SH3RF2: variants seen among roughly 807,000 people sequenced by gnomAD.
SH3RF2 encodes SH3 domain containing ring finger 2.
SH3RF2 carries 43 observed loss-of-function variants against 59.0 expected under a neutral mutation model. The observed-to-expected ratio is 0.73, with a 90% confidence interval of 0.57 to 0.94. The LOEUF (loss-of-function observed/expected upper bound fraction) is 0.94, where lower values mean the gene tolerates loss of function less well. Among genes scored for constraint, SH3RF2 ranks in the 40% least tolerant of loss-of-function variants. SH3RF2 has a pLI of 0.00. For missense variants in SH3RF2, 930 were observed against 940.1 expected (o/e 0.99, Z 0.14); for synonymous variants, 391 against 391.5 (o/e 1.00, Z 0.01).
chr5:146,052,917 T>C (rs1343081116), intron 7 of SH3RF2, among the ~76,000 whole-genome samples: 2 of 152,186 alleles, frequency 1.3e-5, no homozygotes, highest in African/African-American at 4.8e-5. Flanking sequence ...TCTCTGTGTT[T>C]GGGTCCTTTT....
chr5:145,939,614 C>T (rs190453617), intron 2 of SH3RF2, among the ~76,000 whole-genome samples: 46 of 152,266 alleles, frequency 3.0e-4, no homozygotes, highest in Non-Finnish European at 2.2e-4. Context: ...TTGTAAGTGA[C>T]ACATTCCAGA....
intron 2 of SH3RF2, among the ~76,000 whole-genome samples, chr5:145,960,218 G>T (rs1270113402): frequency 2.6e-5 from 4 of 152,126 alleles, no homozygotes; most frequent in African/African-American, 9.7e-5. Context: ...ATGCCCAGCT[G>T]TTCAACTTCT....
At chr5:145,977,378 T>G (rs1759335640) in intron 2 of SH3RF2, among the ~76,000 whole-genome samples, 1 of 152,174 alleles carries the variant, frequency 6.6e-6, no homozygotes, top group Non-Finnish European at 1.5e-5. Flanking sequence ...TCACATACAG[T>G]AATAAAAGCT....
intron 2 of SH3RF2, among the ~76,000 whole-genome samples, chr5:145,981,735 G>A (rs1759513734): frequency 6.6e-6 from 1 of 152,160 alleles, no homozygotes; most frequent in African/African-American, 2.4e-5. Flanking sequence ...ATAATTAAAA[G>A]TAAATAGAAT....
At chr5:146,050,435 T>A (rs559689029) in intron 7 of SH3RF2, among the ~76,000 whole-genome samples, 5 of 152,262 alleles carry the variant, frequency 3.3e-5, no homozygotes, top group Admixed American at 2.6e-4. Context: ...TCGGCCTGAG[T>A]CCTCATAGAT....
At chr5:146,069,918 A>G (rs1763195680) in intron 9 of SH3RF2, among the ~76,000 whole-genome samples, 1 of 151,546 alleles carries the variant, frequency 6.6e-6, no homozygotes, top group Non-Finnish European at 1.5e-5. Context: ...CAGAAAACTG[A>G]GACTCAGAAT....
chr5:146,015,083 G>T (rs941330639), intron 5 of SH3RF2, among the ~76,000 whole-genome samples: 1 of 152,108 alleles, frequency 6.6e-6, no homozygotes, highest in Non-Finnish European at 1.5e-5. Flanking sequence ...TGTAAATTTT[G>T]TTTTTAAACA....
At chr5:145,963,866 T>C (rs1419033109) in intron 2 of SH3RF2, among the ~76,000 whole-genome samples, 1 of 151,016 alleles carries the variant, frequency 6.6e-6, no homozygotes, top group Non-Finnish European at 1.5e-5. Flanking sequence ...GGAGTCTCGC[T>C]CTGTCGCCCA....
intron 5 of SH3RF2, among the ~76,000 whole-genome samples, chr5:146,028,944 G>A (rs551432593): frequency 2.4e-3 from 371 of 152,302 alleles, no homozygotes; most frequent in African/African-American, 8.6e-3. Flanking sequence ...GGACCTGTGC[G>A]TTGAGTGGAT....
At chr5:146,058,126 G>T (rs1399509749) in intron 8 of SH3RF2, among the ~76,000 whole-genome samples, 3 of 152,002 alleles carry the variant, frequency 2.0e-5, no homozygotes, top group Non-Finnish European at 4.4e-5. Context: ...ACCTTGATTG[G>T]CATGGAGCCT....
intron 2 of SH3RF2, chr5:145,997,896 G>A (rs1760234906): frequency 2.2e-6 from 2 of 908,022 alleles, no homozygotes; most frequent in East Asian, 2.4e-5. Flanking sequence ...CAGCTCTGAA[G>A]CAAACACCAA....
chr5:146,070,732 T>C lies in SH3RF2; in HGVS notation c.*34-7728T>C, dbSNP rs58561298. On this transcript the variant is annotated intron_variant, in intron 9 of 9. Coordinates refer to the SH3RF2 transcript ENST00000511217. ...AGAGAGCTGACATCTTCTTCCAGTGTTCCTTGCTGGTGTTTATCCGAAGTT... is the reference window on the plus strand; with the variant it reads ...AGAGAGCTGACATCTTCTTCCAGTGCTCCTTGCTGGTGTTTATCCGAAGTT... Among the ~76,000 whole-genome samples the C allele has an allele frequency of 3.8e-3, 576 of 152,338 alleles. 5 individuals are homozygous for C. The highest frequency in any genetic ancestry group is 0.013 in the African/African-American group (554 of 41,574).
Position 146,004,061 on chromosome 5 carries a change from G to T in SH3RF2, c.652G>T (p.Asp218Tyr). The T allele has an allele frequency of 1.2e-6, 2 of 1,611,504 alleles. No individual in the cohort carries two copies. The highest frequency in any genetic ancestry group is 1.1e-5 in the South Asian group (1 of 90,858). Residue 218 changes from aspartate to tyrosine, a missense_variant, in exon 4 of 10, where the codon GAT (aspartate) becomes TAT (tyrosine). Physicochemically the swap from Asp to Tyr is radical, Grantham distance 160. Coordinates refer to ENST00000359120, the MANE Select transcript of SH3RF2 (RefSeq NM_152550.4). ...ACCATGAGACTTTCTCTTTCAGGAC[G>T]ATATCATCACTGTGATCAGCCGAGT... is the stretch of plus-strand genomic sequence containing the variant. ...NQDCLTFLKDDIITVISRVDE... is the reference protein window; with the variant it reads ...NQDCLTFLKDYIITVISRVDE...
chr5:145,946,870 T>G (rs1379833951), intron 2 of SH3RF2, among the ~76,000 whole-genome samples: 1 of 152,190 alleles, frequency 6.6e-6, no homozygotes, highest in Admixed American at 6.5e-5. Flanking sequence ...TGGCCTCCAA[T>G]ATGAAGGGAA....
chr5:145,962,631 A>G (rs947759227), intron 2 of SH3RF2, among the ~76,000 whole-genome samples: 5 of 151,844 alleles, frequency 3.3e-5, no homozygotes, highest in Non-Finnish European at 7.4e-5. Flanking sequence ...CTCCCCTTCT[A>G]TATCTTATGT....
rs182541652 is a variant in SH3RF2 at position 146,058,489 on chromosome 5, G to A, written c.1556-1377G>A. On this transcript the variant is annotated intron_variant, in intron 8 of 9. Transcript: ENST00000359120. Reference sequence around the variant, plus strand: ...CTTGCTTGCAGCAGCTGAGGACACCGACTGTGTTTAGCGAGTGTCCTGCTT... The same window carrying A: ...CTTGCTTGCAGCAGCTGAGGACACCAACTGTGTTTAGCGAGTGTCCTGCTT... Among the ~76,000 whole-genome samples, 380 of 152,300 alleles carry A rather than the reference G, an allele frequency of 2.5e-3. 2 individuals are homozygous for A. Among genetic ancestry groups the A allele is most frequent in the Non-Finnish European group, 4.3e-3 (294 of 68,028 alleles).
chr5:146,071,219 T>C (rs1367806222), intron 9 of SH3RF2, among the ~76,000 whole-genome samples: 2 of 152,136 alleles, frequency 1.3e-5, no homozygotes, highest in East Asian at 3.9e-4. Context: ...TTCAAATAAA[T>C]AGTGCCTTCA....
At position 146,000,222 on chromosome 5, in the gene SH3RF2, C is replaced by A; in HGVS notation, c.543C>A (p.Val181=). 6.2e-7 allele frequency: 1 copy of A among 1,613,736 alleles called. No individual in the cohort carries two copies. The change falls in exon 3 of 10, where the codon GTC becomes GTA. Residue 181 remains valine, a synonymous_variant. Coordinates refer to ENST00000359120, the MANE Select transcript of SH3RF2 (RefSeq NM_152550.4). Reference sequence around the variant, plus strand: ...ACTTCCCAGCCAGCTCCGTGGAAGTCATCAAGCAGCTGCCCCAGCCGCCCC... The same window carrying A: ...ACTTCCCAGCCAGCTCCGTGGAAGTAATCAAGCAGCTGCCCCAGCCGCCCC... The part of the protein sequence containing the change: ...SGNFPASSVE[V]IKQLPQPPPL...
At position 146,055,984 on chromosome 5, in the gene SH3RF2, G is replaced by A. The variant is rs749827494; in HGVS notation, c.1326G>A (p.Lys442=). The part of the protein sequence containing the change: ...PNNYVIPIFR[K]TSSFPDSRSP... Reference sequence around the variant, plus strand: ...AAAAAAAATTTTCCAAAACCAGAAAGACCTCTAGTTTTCCAGACTCCCGGA... The same window carrying A: ...AAAAAAAATTTTCCAAAACCAGAAAAACCTCTAGTTTTCCAGACTCCCGGA... The change falls in exon 8 of 10, where the codon AAG becomes AAA. Residue 442 remains lysine (K), a synonymous_variant. Coordinates refer to ENST00000359120, the MANE Select transcript of SH3RF2 (RefSeq NM_152550.4). The A allele has an allele frequency of 6.2e-7, 1 of 1,608,248 alleles. No individual in the cohort carries two copies. The highest frequency in any genetic ancestry group is 8.5e-7 in the Non-Finnish European group (1 of 1,178,016).
Sources: gnomAD v4.1 joint callset for allele counts (sites outside exome capture counted in the v4.1 genomes callset) on GRCh38, gnomAD v4.1.1 for gene constraint, MANE v1.5 for transcripts, NCBI Gene and HGNC (gene_info 2026-07-23, HGNC 2026-07-21) for gene names.